The following ANXA8 variants were observed in gnomAD, a reference collection of about 807,000 sequenced individuals.
ANXA8 encodes the protein VAC-beta.
In ANXA8, 9 loss-of-function variants were observed where a neutral mutation model predicts 26.8. That is an observed-to-expected ratio of 0.34 (90% confidence interval 0.20 to 0.59). The LOEUF (loss-of-function observed/expected upper bound fraction) is 0.59. ANXA8 is among the 20% of genes least tolerant of loss of function. The pLI is 0.84. For synonymous variants in ANXA8, 39 were observed against 94.8 expected, an observed-to-expected ratio of 0.41 and a Z score of 3.42; for missense variants, 83 against 238.5, an observed-to-expected ratio of 0.35 and a Z score of 4.29.
At chr10:47,620,150 G>A in the ANXA8 span, among the ~76,000 whole-genome samples, 1 of 112,328 alleles carries the variant, frequency 8.9e-6, no homozygotes, top group East Asian at 2.2e-4. Flanking sequence ...GCAACTTCTG[G>A]GAGGTGGTAT....
the ANXA8 span, among the ~76,000 whole-genome samples, chr10:47,492,336 C>T: frequency 2.0e-5 from 3 of 147,750 alleles, no homozygotes; most frequent in Admixed American, 1.4e-4. Flanking sequence ...GATGCTCACT[C>T]ACCCAAGAGG....
At chr10:47,673,827 A>T in the ANXA8 span, among the ~76,000 whole-genome samples, 2 of 150,520 alleles carry the variant, frequency 1.3e-5, no homozygotes, top group South Asian at 4.2e-4. Context: ...ACCTTATATT[A>T]GTATGGTATA....
the ANXA8 span, among the ~76,000 whole-genome samples, chr10:47,755,709 AC>A: frequency 2.1e-5 from 3 of 139,838 alleles, no homozygotes; most frequent in African/African-American, 8.1e-5. Context: ...TGAGCGTTTC[AC>A]CATGTTGGCC....
At chr10:47,576,546 C>T in the ANXA8 span, among the ~76,000 whole-genome samples, 1 of 149,990 alleles carries the variant, frequency 6.7e-6, no homozygotes, top group Admixed American at 6.7e-5. Context: ...TAACTGCAGC[C>T]TCTACCTCCT....
chr10:47,480,956 A>G (rs1588929611), intron 1 of ANXA8, among the ~76,000 whole-genome samples: 1 of 121,638 alleles, frequency 8.2e-6, no homozygotes, highest in African/African-American at 2.9e-5. Flanking sequence ...AATGGATGGT[A>G]TATCTGTAAG....
At chr10:47,484,963 T>C (rs1282027539), upstream of ANXA8, among the ~76,000 whole-genome samples, 1 of 148,796 alleles carries the variant, frequency 6.7e-6, no homozygotes, top group African/African-American at 2.5e-5. Flanking sequence ...CTTCCCGGGA[T>C]CCACCCGCTC....
chr10:47,499,298 A>C, the ANXA8 span, among the ~76,000 whole-genome samples: 31 of 139,368 alleles, frequency 2.2e-4, no homozygotes, highest in African/African-American at 7.3e-4. Context: ...ACACATATGA[A>C]ATGCGTTTCT....
the ANXA8 span, among the ~76,000 whole-genome samples, chr10:47,941,391 A>T: frequency 1.4e-5 from 2 of 146,870 alleles, 1 homozygote; most frequent in East Asian, 4.2e-4. Flanking sequence ...GTGGTGGCTC[A>T]CGTCTGTAAT....
At chr10:47,968,700 G>A in the ANXA8 span, among the ~76,000 whole-genome samples, 3 of 150,818 alleles carry the variant, frequency 2.0e-5, no homozygotes, top group Non-Finnish European at 4.4e-5. Context: ...TCACAGTATG[G>A]TATTTCTGAA....
the ANXA8 span, among the ~76,000 whole-genome samples, chr10:47,775,398 C>T: frequency 6.6e-6 from 1 of 150,896 alleles, no homozygotes; most frequent in Non-Finnish European, 1.5e-5. Flanking sequence ...CAAAACAAAA[C>T]AGTAATGGCT....
chr10:47,631,307 T>C, the ANXA8 span, among the ~76,000 whole-genome samples: 22 of 152,034 alleles, frequency 1.4e-4, no homozygotes, highest in African/African-American at 5.3e-4. Flanking sequence ...AAAATGATCT[T>C]GATTCCTGCA....
the ANXA8 span, among the ~76,000 whole-genome samples, chr10:47,748,517 C>T: frequency 6.6e-6 from 1 of 152,282 alleles, no homozygotes; most frequent in Admixed American, 6.5e-5. Context: ...CCGACCCAGG[C>T]ACACTATACT....
chr10:47,565,770 G>C, the ANXA8 span: 1 of 778,274 alleles, frequency 1.3e-6, no homozygotes, highest in Non-Finnish European at 1.8e-6. Context: ...TGCGCCCTTC[G>C]GCCGGGCGGG....
chr10:47,730,813 C>T, the ANXA8 span, among the ~76,000 whole-genome samples: 80 of 148,510 alleles, frequency 5.4e-4, no homozygotes, highest in Non-Finnish European at 1.0e-3. Context: ...GCAGTGCTTT[C>T]GCTTATCCCT....
chr10:47,980,422 T>C, the ANXA8 span, among the ~76,000 whole-genome samples: 7 of 151,174 alleles, frequency 4.6e-5, no homozygotes, highest in Non-Finnish European at 1.0e-4. Flanking sequence ...ATAAAGATTG[T>C]AGTGGAAATA....
At chr10:47,607,431 T>C in the ANXA8 span, among the ~76,000 whole-genome samples, 1 of 150,352 alleles carries the variant, frequency 6.7e-6, no homozygotes. Context: ...AATCTACTCT[T>C]ACCTAAAATT....
the ANXA8 span, among the ~76,000 whole-genome samples, chr10:47,778,115 G>A: frequency 2.0e-5 from 3 of 151,400 alleles, no homozygotes; most frequent in Non-Finnish European, 4.4e-5. Context: ...TACAGGTTGG[G>A]TATCCCTTAT....
At chr10:47,527,706 G>A in the ANXA8 span, among the ~76,000 whole-genome samples, 1 of 141,320 alleles carries the variant, frequency 7.1e-6, no homozygotes. Context: ...GTAGTGAACT[G>A]GAGGTGAGAA....
chr10:47,949,196 A>G, the ANXA8 span, among the ~76,000 whole-genome samples: 1 of 130,520 alleles, frequency 7.7e-6, no homozygotes, highest in African/African-American at 3.4e-5. Context: ...ATTTAAGTAT[A>G]ATCATATCTA....
Sources: gnomAD v4.1 joint callset for allele counts (sites outside exome capture counted in the v4.1 genomes callset) on GRCh38, gnomAD v4.1.1 for gene constraint, MANE v1.5 for transcripts, NCBI Gene and HGNC (gene_info 2026-07-23, HGNC 2026-07-21) for gene names.